OSBPL1A: variants seen among roughly 807,000 people sequenced by gnomAD.
OSBPL1A encodes the protein oxysterol binding protein like 1A.
In OSBPL1A, 80 loss-of-function variants were observed where a neutral mutation model predicts 137.1. The observed-to-expected ratio is 0.58, with a 90% CI of 0.49 to 0.70. The LOEUF (loss-of-function observed/expected upper bound fraction) is 0.70, where lower values mean the gene tolerates loss of function less well. OSBPL1A is among the 30% of genes least tolerant of loss of function. The pLI is 0.00. For synonymous variants in OSBPL1A, 365 were observed against 389.7 expected (o/e 0.94, Z 0.75); for missense variants, 970 against 1,129.4 (o/e 0.86, Z 2.02).
intron 24 of OSBPL1A, among the ~76,000 whole-genome samples, chr18:24,167,963 T>C (rs533992918): frequency 4.0e-4 from 61 of 152,342 alleles, no homozygotes; most frequent in African/African-American, 1.3e-3. Flanking sequence ...GAGTGGGTGC[T>C]AAGAGTCTCA....
At chr18:24,235,741 T>C (rs2088448398) in intron 16 of OSBPL1A, among the ~76,000 whole-genome samples, 1 of 152,208 alleles carries the variant, frequency 6.6e-6, no homozygotes, top group African/African-American at 2.4e-5. Flanking sequence ...GAGATATAAA[T>C]TTGGGGACTG....
chr18:24,176,466 A>G (rs1230613619), intron 21 of OSBPL1A, among the ~76,000 whole-genome samples: 5 of 150,242 alleles, frequency 3.3e-5, no homozygotes, highest in Non-Finnish European at 2.9e-5. Context: ...ATTTCCAAAA[A>G]TACTTCTATT....
chr18:24,321,842 T>G, intron 7 of OSBPL1A: 1 of 397,238 alleles, frequency 2.5e-6, no homozygotes, highest in Non-Finnish European at 4.9e-6. Context: ...GAGTGGCCAT[T>G]ATTGCTAAGT....
intron 16 of OSBPL1A, among the ~76,000 whole-genome samples, chr18:24,229,368 T>C (rs944712332): frequency 4.6e-5 from 7 of 152,240 alleles, no homozygotes; most frequent in African/African-American, 1.7e-4. Context: ...TGATTTACAG[T>C]GCCTGTGAAA....
chr18:24,337,103 T>C (rs1220868932), intron 5 of OSBPL1A, among the ~76,000 whole-genome samples: 1 of 152,160 alleles, frequency 6.6e-6, no homozygotes, highest in Non-Finnish European at 1.5e-5. Flanking sequence ...TACATAATGC[T>C]TCTGACAGAA....
rs1025840873 is a variant in OSBPL1A at position 24,162,159 on chromosome 18, G to A, written c.*1020C>T. On this transcript the variant is annotated 3_prime_UTR_variant, in exon 28 of 28. Transcript: ENST00000319481. ...CGGACTGGCAGCTACCTAGGCCCCT[G>A]GGAGCAGTATCTCAGTCTGGGGTTT... is the stretch of plus-strand genomic sequence containing the variant. 3.3e-5 allele frequency: 5 copies of A among 152,200 alleles called. No individual in the cohort carries two copies. The highest frequency in any genetic ancestry group is 9.7e-5 in the African/African-American group (4 of 41,436). The allele number at this position is 152,200 out of a possible 1,614,324, so 9.4% of individuals were successfully genotyped here.
At chr18:24,234,801 CT>C (rs535621902) in intron 16 of OSBPL1A, among the ~76,000 whole-genome samples, 7 of 151,172 alleles carry the variant, frequency 4.6e-5, no homozygotes, top group East Asian at 1.9e-4. Context: ...GTTGAAAAAT[CT>C]TTTTTTTTCA....
In OSBPL1A at chr18:24,266,415, G is replaced by A. The variant is rs916572939; in HGVS notation, c.1281+14427C>T. On this transcript the variant is annotated intron_variant, in intron 15 of 27. Transcript: ENST00000319481. ...GGAAAGGGGGAGATGAATATGTTGA[G>A]CAGATGGAAAAATCCTCAAAGTGTA... 3.9e-5 allele frequency among the ~76,000 whole-genome samples: 6 copies of A among 152,112 alleles called. No homozygotes were observed. In the East Asian group the frequency reaches 1.2e-3, roughly 29 times the overall value.
chr18:24,295,803 T>A (rs1206838983), intron 14 of OSBPL1A, among the ~76,000 whole-genome samples: 1 of 152,130 alleles, frequency 6.6e-6, no homozygotes, highest in Non-Finnish European at 1.5e-5. Context: ...CAGTTGGCTG[T>A]ATAATATTTG....
At chr18:24,363,766 C>T (rs920439868) in intron 4 of OSBPL1A, among the ~76,000 whole-genome samples, 5 of 151,980 alleles carry the variant, frequency 3.3e-5, no homozygotes, top group East Asian at 3.9e-4. Flanking sequence ...CTCAGCCTCC[C>T]GAGCAGTTGG....
chr18:24,368,455 C>A, intron 2 of OSBPL1A, 83 bp from the exon 3 acceptor site: 1 of 986,726 alleles, frequency 1.0e-6, no homozygotes, highest in South Asian at 1.4e-5. Flanking sequence ...AACAAGCTAC[C>A]TCAATAATCT....
At chr18:24,329,936 AT>A (rs1018813339) in intron 7 of OSBPL1A, among the ~76,000 whole-genome samples, 1 of 152,060 alleles carries the variant, frequency 6.6e-6, no homozygotes, top group Non-Finnish European at 1.5e-5. Context: ...AATTGAATGT[AT>A]TTTTTTATCT....
chr18:24,234,275 T>C (rs1192558650), intron 16 of OSBPL1A, among the ~76,000 whole-genome samples: 1 of 152,180 alleles, frequency 6.6e-6, no homozygotes, highest in Non-Finnish European at 1.5e-5. Flanking sequence ...TCCCAGGAAG[T>C]GTTCCCTTAC....
At chr18:24,192,543 C>A (rs1377253015) in intron 18 of OSBPL1A, among the ~76,000 whole-genome samples, 1 of 152,092 alleles carries the variant, frequency 6.6e-6, no homozygotes, top group African/African-American at 2.4e-5. Context: ...TAATCCTGCT[C>A]AAAACAGACT....
At chr18:24,298,471 C>G (rs989703811) in intron 14 of OSBPL1A, among the ~76,000 whole-genome samples, 1 of 152,200 alleles carries the variant, frequency 6.6e-6, no homozygotes, top group Non-Finnish European at 1.5e-5. Context: ...CTCAGCCCCC[C>G]AGTAGCTGGG....
At chr18:24,230,662 G>A (rs530802187) in intron 16 of OSBPL1A, among the ~76,000 whole-genome samples, 7 of 152,198 alleles carry the variant, frequency 4.6e-5, no homozygotes, top group Middle Eastern at 3.4e-3. Context: ...GCAGCCTGTC[G>A]TTATTCTTTT....
chr18:24,328,912 G>C (rs1172631599), intron 7 of OSBPL1A, among the ~76,000 whole-genome samples: 1 of 152,124 alleles, frequency 6.6e-6, no homozygotes, highest in Non-Finnish European at 1.5e-5. Context: ...ACACATAATT[G>C]CAATTGATTT....
chr18:24,186,903 C>CAAAAAAAAA (rs57438319), intron 18 of OSBPL1A, among the ~76,000 whole-genome samples: 2 of 62,628 alleles, frequency 3.2e-5, no homozygotes, highest in African/African-American at 6.2e-5. Flanking sequence ...GACTCTGTCT[C>CAAAAAAAAA]AAAAAAAAAA....
At chr18:24,210,261 C>T (rs1249806583) in intron 17 of OSBPL1A, among the ~76,000 whole-genome samples, 1 of 152,020 alleles carries the variant, frequency 6.6e-6, no homozygotes, top group East Asian at 1.9e-4. Context: ...CCCGTCTCTA[C>T]TAAAAATACA....
Sources: gnomAD v4.1 joint callset for allele counts (sites outside exome capture counted in the v4.1 genomes callset) on GRCh38, gnomAD v4.1.1 for gene constraint, MANE v1.5 for transcripts, NCBI Gene and HGNC (gene_info 2026-07-23, HGNC 2026-07-21) for gene names.